PHYKPL: variants seen among roughly 807,000 people sequenced by gnomAD.
The protein encoded by PHYKPL is 5-phosphohydroxy-L-lysine phospho-lyase, also known as 5-phosphonooxy-L-lysine phospho-lyase.
In PHYKPL, 42 loss-of-function variants were observed where a neutral mutation model predicts 51.3. That is an observed-to-expected ratio of 0.82 (90% confidence interval 0.64 to 1.06). The LOEUF is 1.06. PHYKPL is among the 50% of genes least tolerant of loss of function. The pLI is 0.00. For missense variants in PHYKPL, 655 were observed against 586.6 expected (o/e 1.12, Z -1.20); for synonymous variants, 264 against 236.0 (o/e 1.12, Z -1.09).
intron 12 of PHYKPL, chr5:178,210,602 G>A (rs768242931): frequency 4.3e-6 from 7 of 1,613,938 alleles, no homozygotes; most frequent in Non-Finnish European, 5.9e-6. Context: ...GTGGCCATCA[G>A]AATAACTACA....
rs765660125 is a variant in PHYKPL at position 178,232,507 on chromosome 5, C to T, written c.44G>A (p.Arg15Lys). ...QRPKADTLAL[R>K]QRLISSSCRL... ...GCCCGGGTACCTGATGAGCCGTTGC[C>T]TCAGGGCCAGCGTGTCGGCCTTCGG... Residue 15 changes from arginine (R) to lysine (K), a missense_variant, in exon 1 of 13, where the codon AGG (arginine) becomes AAG (lysine). Coordinates refer to ENST00000308158, the MANE Select transcript of PHYKPL (RefSeq NM_153373.4). The T allele has an allele frequency of 1.1e-5, 15 of 1,351,078 alleles. No homozygotes were observed. Among genetic ancestry groups the T allele is most frequent in the African/African-American group, 6.1e-5 (4 of 65,216 alleles). 83.7% of individuals were successfully genotyped at this position (1,351,078 alleles called of 1,614,324 possible).
At chr5:178,214,699 C>T in intron 10 of PHYKPL, 97 bp downstream of exon 10, 1 of 1,126,008 alleles carries the variant, frequency 8.9e-7, no homozygotes, top group Non-Finnish European at 1.3e-6. Context: ...GCCCAGAGTG[C>T]TGGGGGTACA....
At chr5:178,222,960 A>G in intron 6 of PHYKPL, 26 bp from the exon 7 acceptor site, 1 of 1,612,120 alleles carries the variant, frequency 6.2e-7, no homozygotes, top group Non-Finnish European at 8.5e-7. Flanking sequence ...CATTGGGAAC[A>G]CGACCATGGG....
rs1763099283 is a variant in PHYKPL, at chr5:178,230,193, G to A, written c.179-94C>T. On this transcript the variant is annotated intron_variant, in intron 2 of 12. Transcript: ENST00000308158. ...CCAAGCTATAAACCCAGCCAGAAGA[G>A]ATGTAGTTCTAGAGGGAGAGGTAGA... 4 of 1,499,822 alleles carry A rather than the reference G, an allele frequency of 2.7e-6. No individual in the cohort carries two copies. The Admixed American group carries it at 6.8e-5, about 26-fold the overall frequency. The allele number at this position is 1,499,822 out of a possible 1,614,324, so 92.9% of individuals were successfully genotyped here.
At chr5:178,219,363 AAC>A (rs1487379130) in intron 8 of PHYKPL, among the ~76,000 whole-genome samples, 1 of 152,048 alleles carries the variant, frequency 6.6e-6, no homozygotes, top group African/African-American at 2.4e-5. Context: ...CACACATACA[AAC>A]AGACACAAAA....
chr5:178,209,394 G>A lies in PHYKPL; in HGVS notation c.*32-479C>T, dbSNP rs146516910. On this transcript the variant is annotated intron_variant, in intron 12 of 12. Coordinates refer to ENST00000308158, the MANE Select transcript of PHYKPL (RefSeq NM_153373.4). Reference sequence around the variant, plus strand: ...CAGCAGCAGTATGGCTCTGGGGGCCGTGGAAACCGCAACCGAGGGAACCGA... The same window carrying A: ...CAGCAGCAGTATGGCTCTGGGGGCCATGGAAACCGCAACCGAGGGAACCGA... 23 of 1,614,080 alleles carry A rather than the reference G, an allele frequency of 1.4e-5. No individual in the cohort carries two copies. The African/African-American group carries it at 1.6e-4, about 11-fold the overall frequency.
Position 178,232,770 on chromosome 5 carries a change from G to A in PHYKPL, c.-220C>T, listed in dbSNP as rs914352556. 2 of 425,056 alleles carry A rather than the reference G, an allele frequency of 4.7e-6. No individual in the cohort carries two copies. The highest frequency in any genetic ancestry group is 1.2e-4 in the South Asian group (1 of 8,132). 26.3% of individuals were successfully genotyped at this position (425,056 alleles called of 1,614,324 possible). ...TCCGGCCCGTGGTCGTGCCTTGGCA[G>A]TCCCGCGCAGGAACTCGAGCGCTGC... On this transcript the variant is annotated 5_prime_UTR_variant, in exon 1 of 13. Transcript: ENST00000308158.
Position 178,215,342 on chromosome 5 carries a change from A to T in PHYKPL, c.1016T>A (p.Val339Glu), listed in dbSNP as rs1759552709. The change falls in exon 9 of 13, where the codon GTA (valine) becomes GAA (glutamate). Residue 339 changes from valine to glutamate, a missense_variant. By Grantham distance (121) the Val-to-Glu change is moderately radical (BLOSUM62 -2). Transcript: ENST00000308158. Reference sequence around the variant, plus strand: ...GAGGAGCTGCATCAGGAAGCTGCCTACACTGGTGGCATGATCCTGGAGCTG... The same window carrying T: ...GAGGAGCTGCATCAGGAAGCTGCCTTCACTGGTGGCATGATCCTGGAGCTG... ...KEQLQDHATSVGSFLMQLLGQ... is the reference protein window; with the variant it reads ...KEQLQDHATSEGSFLMQLLGQ... The T allele has an allele frequency of 6.2e-7, 1 of 1,613,996 alleles. No homozygotes were observed. The highest frequency in any genetic ancestry group is 1.7e-5 in the Admixed American group (1 of 60,000).
chr5:178,209,550 A>T, intron 12 of PHYKPL: 1 of 961,124 alleles, frequency 1.0e-6, no homozygotes, highest in Non-Finnish European at 1.6e-6. Flanking sequence ...AGGGGTGGGC[A>T]GATTGTGTGA....
chr5:178,225,518 C>G, intron 3 of PHYKPL, 89 bp from the exon 4 acceptor site: 1 of 1,273,258 alleles, frequency 7.9e-7, no homozygotes, highest in Middle Eastern at 1.9e-4. Flanking sequence ...CTTCCAGCAG[C>G]AAGAAGATTC....
rs1279222271 is a variant in PHYKPL, at chr5:178,230,003, T to C, written c.275A>G (p.Tyr92Cys). The change falls in exon 3 of 13, where the codon TAT becomes TGT. Residue 92 changes from tyrosine to cysteine, a missense_variant. Physicochemically the swap from Tyr to Cys is radical, Grantham distance 194. Transcript: ENST00000308158. ...CAGGGTCTCTGACAGCCTCTGCGCA[T>C]AGTCCACGATGTTGTCATGCAGGTA... ...SRYLHDNIVD[Y>C]AQRLSETLPE... 2 of 1,614,232 alleles carry C rather than the reference T, an allele frequency of 1.2e-6. No homozygotes were observed. Among genetic ancestry groups the C allele is most frequent in the Admixed American group, 1.7e-5 (1 of 60,024 alleles).
intron 8 of PHYKPL, 25 bp from the exon 9 acceptor site, chr5:178,215,455 C>A: frequency 6.3e-7 from 1 of 1,594,692 alleles, no homozygotes; most frequent in South Asian, 1.1e-5. Flanking sequence ...AAGAACATGT[C>A]AGATGCCCTG....
chr5:178,212,590 C>T (rs1377990478), intron 11 of PHYKPL, among the ~76,000 whole-genome samples: 1 of 152,180 alleles, frequency 6.6e-6, no homozygotes, highest in Admixed American at 6.5e-5. Context: ...CCTTGTGTGA[C>T]CTGTCTCATG....
intron 3 of PHYKPL, among the ~76,000 whole-genome samples, chr5:178,226,901 A>G (rs906324220): frequency 1.3e-5 from 2 of 151,544 alleles, no homozygotes; most frequent in Non-Finnish European, 2.9e-5. Flanking sequence ...GTGTTTGTAT[A>G]TATGTGTGTC....
intron 4 of PHYKPL, 44 bp from the exon 5 acceptor site, chr5:178,224,773 T>C (rs1167521159): frequency 6.7e-7 from 1 of 1,501,202 alleles, no homozygotes; most frequent in Non-Finnish European, 9.2e-7. Context: ...GGGCAGCACC[T>C]ACTCCCTGGC....
intron 2 of PHYKPL, chr5:178,230,848 A>G (rs1454481142): frequency 6.5e-6 from 1 of 154,518 alleles, no homozygotes; most frequent in African/African-American, 2.4e-5. Context: ...GAATTAAGTA[A>G]CTTGCCCGAG....
intron 6 of PHYKPL, among the ~76,000 whole-genome samples, chr5:178,224,119 C>T (rs2961682): frequency 6.6e-6 from 1 of 152,172 alleles, no homozygotes; most frequent in African/African-American, 2.4e-5. Flanking sequence ...CACATTCACA[C>T]GGTTCCTCAG....
At chr5:178,214,725 C>T (rs1361315633) in intron 10 of PHYKPL, 71 bp downstream of exon 10, 4 of 1,401,116 alleles carry the variant, frequency 2.9e-6, no homozygotes, top group Admixed American at 3.4e-5. Flanking sequence ...GGCTCCTTTC[C>T]ACTGGCCCTG....
At chr5:178,225,646 G>A in intron 3 of PHYKPL, 1 of 559,654 alleles carries the variant, frequency 1.8e-6, no homozygotes, top group East Asian at 2.9e-5. Context: ...TGGCCCTTCT[G>A]GAATTTACAT....
Sources: allele counts gnomAD v4.1 joint callset (sites outside exome capture counted in the v4.1 genomes callset), GRCh38; gene constraint gnomAD v4.1.1; transcripts MANE v1.5; gene names NCBI Gene and HGNC (gene_info 2026-07-23, HGNC 2026-07-21).